HYKK: variants seen among roughly 807,000 people sequenced by gnomAD.
HYKK encodes hydroxylysine kinase.
A neutral mutation model predicts 29.7 loss-of-function variants in HYKK; 19 were observed. That is an observed-to-expected ratio of 0.64 (90% CI 0.45 to 0.94). The LOEUF is 0.94. HYKK is among the 40% of genes least tolerant of loss of function. HYKK has a pLI of 0.00. For missense variants in HYKK, 390 were observed against 443.4 expected (o/e 0.88, Z 1.08); for synonymous variants, 152 against 158.1 (o/e 0.96, Z 0.29).
intron 2 of HYKK, among the ~76,000 whole-genome samples, chr15:78,514,148 A>C (rs1469418193): frequency 6.6e-6 from 1 of 151,814 alleles, no homozygotes; most frequent in East Asian, 1.9e-4. Context: ...TATTATTTAG[A>C]GAAGCTATAA....
In HYKK at chr15:78,515,000, AG is replaced by A. The variant is rs751645656; in HGVS notation, c.372del (p.Arg124SerfsTer3). 34 of 1,585,692 alleles carry A rather than the reference AG, an allele frequency of 2.1e-5. 1 individual carries two copies. In the South Asian group the frequency reaches 3.8e-4, roughly 18 times the overall value. On this transcript the variant is annotated frameshift_variant, in exon 3 of 5. Coordinates refer to ENST00000388988, the MANE Select transcript of HYKK (RefSeq NM_001013619.4). LOFTEE classifies it high-confidence loss of function. The part of the protein sequence containing the change: ...SGSEIKSYLV[R>X]LLTYLPGRPI... ...CTCTGAAATCAAAAGCTACTTGGTGAGGCTGCTGACTTACCTCCCAGGAAGA... is the reference window on the plus strand; with the variant it reads ...CTCTGAAATCAAAAGCTACTTGGTGAGCTGCTGACTTACCTCCCAGGAAGA...
chr15:78,510,867 C>T (rs2052067263), intron 1 of HYKK, among the ~76,000 whole-genome samples: 1 of 151,412 alleles, frequency 6.6e-6, no homozygotes, highest in African/African-American at 2.4e-5. Flanking sequence ...AGATGTAGAA[C>T]ACTTGCCTCT....
Position 78,535,605 on chromosome 15 carries a change from T to C in HYKK, c.*1935T>C, listed in dbSNP as rs535597094. 6.6e-6 allele frequency: 1 copy of C among 152,294 alleles called. No individual in the cohort carries two copies. The highest frequency in any genetic ancestry group is 6.5e-5 in the Admixed American group (1 of 15,290). The allele number at this position is 152,294 out of a possible 1,614,324, so 9.4% of individuals were successfully genotyped here. On this transcript the variant is annotated 3_prime_UTR_variant, in exon 5 of 5. Transcript: ENST00000388988. Reference sequence around the variant, plus strand: ...TATTCCAGGTTACCCAAACTCAAAATATTGGAGTAATTTTTTGCTTGCCTC... The same window carrying C: ...TATTCCAGGTTACCCAAACTCAAAACATTGGAGTAATTTTTTGCTTGCCTC...
At chr15:78,528,090 A>T (rs539175447) in intron 4 of HYKK, 67 of 155,690 alleles carry the variant, frequency 4.3e-4, no homozygotes, top group Non-Finnish European at 7.9e-4. Context: ...TACATAAATT[A>T]TGCTGCAATG....
In HYKK at chr15:78,513,159, C is replaced by A. The variant is rs569690132; in HGVS notation, c.71C>A (p.Ala24Glu). The A allele has an allele frequency of 1.2e-4, 191 of 1,614,002 alleles. 3 individuals are homozygous for A. In the South Asian group the frequency reaches 1.9e-3, roughly 16 times the overall value. The part of the protein sequence containing the change: ...KPTFSEEQAS[A>E]LVESVFGLKV... ...ACTTTCAGTGAGGAACAAGCCTCTGCGTTAGTGGAGTCAGTGTTTGGGTTG... is the reference window on the plus strand; with the variant it reads ...ACTTTCAGTGAGGAACAAGCCTCTGAGTTAGTGGAGTCAGTGTTTGGGTTG... Residue 24 changes from alanine to glutamate, a missense_variant, in exon 2 of 5, where the codon GCG (alanine) becomes GAG (glutamate). Transcript: ENST00000388988.
At position 78,533,498 on chromosome 15, in the gene HYKK, T is replaced by C. The variant is rs761470240; in HGVS notation, c.950T>C (p.Leu317Pro). ...GTATGCAGTCGTTTTTGTCAGTCAC[T>C]TGTCATGGCTGCATACTCTTGCCAG... ...LLVCSRFCQS[L>P]VMAAYSCQLY... Residue 317 changes from leucine to proline, a missense_variant, in exon 5 of 5, where the codon CTT becomes CCT. Transcript: ENST00000388988. 8 of 1,587,446 alleles carry C rather than the reference T, an allele frequency of 5.0e-6. No individual in the cohort carries two copies. Among genetic ancestry groups the C allele is most frequent in the Non-Finnish European group, 6.0e-6 (7 of 1,163,048 alleles).
At chr15:78,529,241 A>G (rs1427360631) in intron 4 of HYKK, among the ~76,000 whole-genome samples, 2 of 152,140 alleles carry the variant, frequency 1.3e-5, no homozygotes, top group African/African-American at 2.4e-5. Flanking sequence ...TGCATATGCT[A>G]GAGTTGGTTA....
At chr15:78,519,692 C>T (rs1048068035) in intron 3 of HYKK, among the ~76,000 whole-genome samples, 49 of 152,170 alleles carry the variant, frequency 3.2e-4, no homozygotes, top group African/African-American at 1.0e-3. Context: ...ACCCGGGAGG[C>T]GGAGGTTGCA....
intron 4 of HYKK, among the ~76,000 whole-genome samples, chr15:78,532,771 G>C (rs2052324594): frequency 6.6e-6 from 1 of 152,144 alleles, no homozygotes; most frequent in Non-Finnish European, 1.5e-5. Context: ...CTCCAGCTGG[G>C]CAACAGAGTG....
chr15:78,520,780 G>A (rs940773060), intron 3 of HYKK, among the ~76,000 whole-genome samples: 189 of 151,316 alleles, frequency 1.2e-3, no homozygotes, highest in African/African-American at 4.2e-3. Flanking sequence ...GGTGGTGGCC[G>A]GGCAGAGGGG....
intron 4 of HYKK, among the ~76,000 whole-genome samples, chr15:78,531,311 T>C (rs1037294476): frequency 3.9e-5 from 6 of 152,232 alleles, no homozygotes; most frequent in African/African-American, 1.4e-4. Flanking sequence ...TCATGTGTGC[T>C]TTAAAAGAAA....
intron 3 of HYKK, among the ~76,000 whole-genome samples, chr15:78,516,186 C>G (rs1407698200): frequency 6.6e-6 from 1 of 151,818 alleles, no homozygotes; most frequent in East Asian, 1.9e-4. Flanking sequence ...TTCATTTATT[C>G]AATATTGACT....
chr15:78,509,480 G>A (rs1302603177), intron 1 of HYKK, among the ~76,000 whole-genome samples: 1 of 152,206 alleles, frequency 6.6e-6, no homozygotes, highest in Non-Finnish European at 1.5e-5. Flanking sequence ...GATTGTATGG[G>A]AACATCTGGA....
chr15:78,525,497 T>G (rs1000363119), intron 3 of HYKK, among the ~76,000 whole-genome samples: 17 of 149,200 alleles, frequency 1.1e-4, no homozygotes, highest in Admixed American at 8.0e-4. Flanking sequence ...AAATTTTATT[T>G]TTTATATATA....
intron 1 of HYKK, among the ~76,000 whole-genome samples, chr15:78,509,353 A>G (rs2052048281): frequency 2.6e-5 from 4 of 152,284 alleles, no homozygotes; most frequent in African/African-American, 7.2e-5. Flanking sequence ...AATATGTCCT[A>G]TTTCTCCCAG....
At position 78,514,916 on chromosome 15, in the gene HYKK, A is replaced by C. The variant is rs1438948849; in HGVS notation, c.338-52A>C. ...TCTCTCTCTCTCTCTCTCTATATAT[A>C]TATATATATATAAATAATTTAGTCA... On this transcript the variant is annotated intron_variant, in intron 2 of 4. Coordinates refer to ENST00000388988, the MANE Select transcript of HYKK (RefSeq NM_001013619.4). 2.5e-3 allele frequency: 921 copies of C among 364,992 alleles called. 3 individuals carry two copies. The highest frequency in any genetic ancestry group is 0.013 in the Admixed American group (149 of 11,588). The allele number at this position is 364,992 out of a possible 1,614,324, so 22.6% of individuals were successfully genotyped here.
rs758286676 is a variant in HYKK at position 78,533,710 on chromosome 15, G to A, written c.*40G>A. Reference sequence around the variant, plus strand: ...TGACTCAAAGTTCACTTTAACTTGGGTAATTAAAATAGGACCCAGTCAAAT... The same window carrying A: ...TGACTCAAAGTTCACTTTAACTTGGATAATTAAAATAGGACCCAGTCAAAT... On this transcript the variant is annotated 3_prime_UTR_variant, in exon 5 of 5. Coordinates refer to ENST00000388988, the MANE Select transcript of HYKK (RefSeq NM_001013619.4). 3.4e-6 allele frequency: 5 copies of A among 1,482,082 alleles called. No homozygotes were observed. The South Asian group carries it at 3.6e-5, about 11-fold the overall frequency. The allele number at this position is 1,482,082 out of a possible 1,614,324, so 91.8% of individuals were successfully genotyped here.
At chr15:78,537,311 G>A (rs777098725), downstream of HYKK, 13 of 660,298 alleles carry the variant, frequency 2.0e-5, no homozygotes, top group East Asian at 8.3e-5. Context: ...ACCTAGCACC[G>A]TGCCAGGCCC....
At position 78,522,889 on chromosome 15, in the gene HYKK, A is replaced by G. The variant is rs193097674; in HGVS notation, c.478-4491A>G. ...GTGAGACTCTGTCTCAGAAAAAAAA[A>G]AGAAAAAAGAGAGAGAGAGGGAAAG... On this transcript the variant is annotated intron_variant, in intron 3 of 4. Coordinates refer to ENST00000388988, the MANE Select transcript of HYKK (RefSeq NM_001013619.4). Among the ~76,000 whole-genome samples, 339 of 152,218 alleles carry G rather than the reference A, an allele frequency of 2.2e-3. 1 individual carries two copies. Among genetic ancestry groups the G allele is most frequent in the Non-Finnish European group, 3.7e-3 (253 of 68,002 alleles).
Sources: allele counts gnomAD v4.1 joint callset (sites outside exome capture counted in the v4.1 genomes callset), GRCh38; gene constraint gnomAD v4.1.1; transcripts MANE v1.5; gene names NCBI Gene and HGNC (gene_info 2026-07-23, HGNC 2026-07-21).